Variants in OPHN1 observed in about 807,000 individuals in gnomAD.
OPHN1 encodes the protein oligophrenin 1.
OPHN1 carries 11 observed loss-of-function variants against 60.7 expected under a neutral mutation model. The ratio of observed to expected loss-of-function variants is 0.18; its 90% CI spans 0.11 to 0.30. OPHN1 has a LOEUF of 0.30. OPHN1 is among the 10% of genes least tolerant of loss of function. The probability of loss-of-function intolerance (pLI) is 1.00; values close to 1 mark genes in which losing one functional copy is unlikely to be tolerated. For synonymous variants in OPHN1, 226 were observed against 222.6 expected (o/e 1.02, Z -0.14); for missense variants, 449 against 611.0 (o/e 0.73, Z 2.80).
chrX:68,200,629 G>T (rs952393773), intron 11 of OPHN1, among the ~76,000 whole-genome samples: 1 of 111,621 alleles, frequency 9.0e-6, no homozygotes, highest in Non-Finnish European at 1.9e-5. Flanking sequence ...TTCACAAATC[G>T]AAATTGTGAG....
chrX:68,252,882 C>T (rs996664695), intron 5 of OPHN1, among the ~76,000 whole-genome samples: 5 of 110,422 alleles, frequency 4.5e-5, no homozygotes, highest in African/African-American at 1.6e-4. Flanking sequence ...TCTGGACATG[C>T]ATATCCTACT....
intron 2 of OPHN1, among the ~76,000 whole-genome samples, chrX:68,418,410 G>T (rs1225971814): frequency 9.0e-6 from 1 of 111,179 alleles, no homozygotes; most frequent in Non-Finnish European, 1.9e-5. Flanking sequence ...TGCAAAGATG[G>T]TATTAGGAGG....
chrX:68,111,226 C>T (rs1003420580), intron 18 of OPHN1, among the ~76,000 whole-genome samples: 4 of 112,144 alleles, frequency 3.6e-5, no homozygotes, highest in Non-Finnish European at 7.5e-5. Flanking sequence ...GGACAGAATG[C>T]TTTCCGCCTT....
At chrX:68,304,248 A>T (rs1569274036) in intron 2 of OPHN1, among the ~76,000 whole-genome samples, 2 of 110,525 alleles carry the variant, frequency 1.8e-5, no homozygotes, top group African/African-American at 6.6e-5. Context: ...ATAAATGACC[A>T]TTTTTTTTCA....
intron 2 of OPHN1, among the ~76,000 whole-genome samples, chrX:68,389,744 A>AT (rs1431361826): frequency 2.8e-5 from 3 of 108,723 alleles, no homozygotes; most frequent in Non-Finnish European, 5.7e-5. Context: ...AGAGTGTTGA[A>AT]TCTGGACCCT....
At chrX:68,187,916 C>T (rs751426760) in intron 15 of OPHN1, among the ~76,000 whole-genome samples, 7 of 111,909 alleles carry the variant, frequency 6.3e-5, no homozygotes, top group Non-Finnish European at 9.4e-5. Flanking sequence ...TGTGAGCCAC[C>T]GTGCCCAGCC....
intron 19 of OPHN1, among the ~76,000 whole-genome samples, chrX:68,083,054 C>CTTTGTTTTTTTTT (rs2076980256): frequency 2.7e-5 from 1 of 37,450 alleles, no homozygotes; most frequent in African/African-American, 1.2e-4. Flanking sequence ...CTGCTAGTTT[C>CTTTGTTTTTTTTT]TTTTTTTTTT....
chrX:68,245,109 C>T (rs748412432), intron 5 of OPHN1, among the ~76,000 whole-genome samples: 2 of 111,423 alleles, frequency 1.8e-5, no homozygotes, highest in Non-Finnish European at 3.8e-5. Flanking sequence ...GTGAAGAAAC[C>T]ACCATATATT....
intron 15 of OPHN1, among the ~76,000 whole-genome samples, chrX:68,132,249 C>T (rs1352785851): frequency 9.4e-6 from 1 of 106,893 alleles, no homozygotes; most frequent in African/African-American, 3.4e-5. Flanking sequence ...CACATGCACA[C>T]GTATGTTTAT....
intron 5 of OPHN1, among the ~76,000 whole-genome samples, chrX:68,272,019 G>T (rs1208948058): frequency 7.6e-3 from 1 of 131 alleles, no homozygotes; most frequent in Non-Finnish European, 0.02. Flanking sequence ...CTCCTGCAAC[G>T]TCCTCCAGCT....
At chrX:68,135,593 C>T (rs1283830836) in intron 15 of OPHN1, among the ~76,000 whole-genome samples, 5 of 111,786 alleles carry the variant, frequency 4.5e-5, no homozygotes, top group Non-Finnish European at 7.5e-5. Context: ...ACAGTAAGAG[C>T]GTAACTGGGA....
chrX:68,181,106 C>A (rs1293797755), intron 15 of OPHN1, among the ~76,000 whole-genome samples: 1 of 111,458 alleles, frequency 9.0e-6, no homozygotes, highest in Non-Finnish European at 1.9e-5. Context: ...ATCTGATTTT[C>A]CCCTTCTGAA....
In OPHN1 at chrX:68,099,759, T is replaced by C. The variant is rs369402750; in HGVS notation, c.1527-2730A>G. Among the ~76,000 whole-genome samples, 21 of 111,992 alleles carry C rather than the reference T, an allele frequency of 1.9e-4. No homozygotes were observed. In the East Asian group the frequency reaches 5.3e-3, roughly 28 times the overall value. On this transcript the variant is annotated intron_variant, in intron 18 of 24. Transcript: ENST00000355520. ...CATCCTCTTTTTTTCCTGAAATGTA[T>C]ATTTTGATGTGAACTATCTGGATTT...
intron 2 of OPHN1, among the ~76,000 whole-genome samples, chrX:68,309,448 C>T (rs1270896964): frequency 1.8e-5 from 2 of 111,493 alleles, no homozygotes; most frequent in African/African-American, 6.5e-5. Flanking sequence ...AAAAGAAGCT[C>T]CCAAGTACTA....
chrX:68,221,940 A>G (rs1240701877), intron 6 of OPHN1, among the ~76,000 whole-genome samples: 1 of 103,968 alleles, frequency 9.6e-6, no homozygotes, highest in Non-Finnish European at 2.0e-5. Context: ...GATCTAATTA[A>G]ACTAAAGAGC....
intron 3 of OPHN1, among the ~76,000 whole-genome samples, chrX:68,283,426 C>G (rs1156553315): frequency 8.9e-6 from 1 of 111,974 alleles, no homozygotes; most frequent in Non-Finnish European, 1.9e-5. Context: ...AAGAGGTTTG[C>G]TGTGTAATTA....
intron 2 of OPHN1, among the ~76,000 whole-genome samples, chrX:68,385,661 A>T (rs755018054): frequency 1.8e-5 from 2 of 112,536 alleles, no homozygotes; most frequent in East Asian, 5.6e-4. Context: ...GCATGACAAG[A>T]ATAAGACCTG....
chrX:68,191,292 A>G (rs1055664335), intron 15 of OPHN1, among the ~76,000 whole-genome samples: 2 of 111,539 alleles, frequency 1.8e-5, no homozygotes, highest in Non-Finnish European at 3.8e-5. Flanking sequence ...TTCTTGCCTC[A>G]GTGATGTCCA....
intron 10 of OPHN1, among the ~76,000 whole-genome samples, chrX:68,205,740 C>T (rs757775377): frequency 9.0e-6 from 1 of 111,662 alleles, no homozygotes; most frequent in East Asian, 2.8e-4. Context: ...TCCTCCCTAC[C>T]TAAATTGGGT....
Sources: allele counts gnomAD v4.1 joint callset (sites outside exome capture counted in the v4.1 genomes callset), GRCh38; gene constraint gnomAD v4.1.1; transcripts MANE v1.5; gene names NCBI Gene and HGNC (gene_info 2026-07-23, HGNC 2026-07-21).